The following EEA1 variants were observed in gnomAD, a reference collection of about 807,000 sequenced individuals.
EEA1 encodes early endosome antigen 1, 162kD.
EEA1 carries 111 observed loss-of-function variants against 209.2 expected under a neutral mutation model. The observed-to-expected ratio is 0.53, with a 90% CI of 0.45 to 0.62. EEA1 has a LOEUF of 0.62. Ranked by LOEUF, EEA1 falls within the 20% of genes least tolerant of loss-of-function variation. EEA1 has a pLI of 0.00. For missense variants in EEA1, 1,343 were observed against 1,530.8 expected, an observed-to-expected ratio of 0.88 and a Z score of 2.05; for synonymous variants, 536 against 540.6, an observed-to-expected ratio of 0.99 and a Z score of 0.12.
At chr12:92,864,383 T>C (rs1439147689) in intron 3 of EEA1, among the ~76,000 whole-genome samples, 1 of 152,164 alleles carries the variant, frequency 6.6e-6, no homozygotes, top group Non-Finnish European at 1.5e-5. Flanking sequence ...TATATTTTAG[T>C]TTACTTTTAC....
chr12:92,828,269 G>C (rs1013916164), intron 11 of EEA1, among the ~76,000 whole-genome samples: 1 of 151,990 alleles, frequency 6.6e-6, no homozygotes, highest in Admixed American at 6.6e-5. Context: ...TAAAATTATC[G>C]TTAAACATCA....
intron 21 of EEA1, among the ~76,000 whole-genome samples, chr12:92,788,477 T>C (rs1454181729): frequency 6.6e-6 from 1 of 152,052 alleles, no homozygotes. Context: ...CTCTTGGAAA[T>C]TCAAGAATAA....
At chr12:92,795,456 T>C (rs537348165) in intron 21 of EEA1, among the ~76,000 whole-genome samples, 26 of 152,324 alleles carry the variant, frequency 1.7e-4, no homozygotes, top group African/African-American at 5.3e-4. Flanking sequence ...CCTAGAATTG[T>C]GCCATGGCAT....
chr12:92,862,499 G>A (rs1278896307), intron 3 of EEA1, among the ~76,000 whole-genome samples: 9 of 152,078 alleles, frequency 5.9e-5, no homozygotes, highest in African/African-American at 2.2e-4. Flanking sequence ...GGGAGGCTGA[G>A]GCACGAGGAT....
intron 1 of EEA1, among the ~76,000 whole-genome samples, chr12:92,910,109 C>T (rs1167244724): frequency 6.6e-6 from 1 of 152,014 alleles, no homozygotes; most frequent in African/African-American, 2.4e-5. Context: ...CGCCACTGCA[C>T]TCCAGCCTCG....
Position 92,787,873 on chromosome 12 carries a change from A to G in EEA1, c.3144T>C (p.Asp1048=), listed in dbSNP as rs779366895. The change falls in exon 22 of 29, where the codon GAT becomes GAC. Residue 1048 remains aspartate, a synonymous_variant. Transcript: ENST00000322349. ...ACAGTATAGTTTACTATACCTTAAG[A>G]TCTTGCCTGGTGGCTAGAAGTTCAG... ...RESELLATRQ[D]LKSVEEKLSL... 1 of 1,605,146 alleles carries G rather than the reference A, an allele frequency of 6.2e-7. No homozygotes were observed. The highest frequency in any genetic ancestry group is 1.7e-5 in the Admixed American group (1 of 58,588).
At chr12:92,805,437 G>A (rs963334410) in intron 18 of EEA1, among the ~76,000 whole-genome samples, 7 of 152,150 alleles carry the variant, frequency 4.6e-5, no homozygotes, top group African/African-American at 1.7e-4. Flanking sequence ...CCTTTCTGAA[G>A]AGGACTTTTC....
chr12:92,899,775 T>C (rs1880074244), intron 1 of EEA1, among the ~76,000 whole-genome samples: 1 of 152,220 alleles, frequency 6.6e-6, no homozygotes, highest in Non-Finnish European at 1.5e-5. Context: ...GTTCTCATTT[T>C]CTTTGTCCTT....
At chr12:92,812,641 T>G (rs1405798649) in intron 16 of EEA1, among the ~76,000 whole-genome samples, 1 of 152,046 alleles carries the variant, frequency 6.6e-6, no homozygotes, top group Non-Finnish European at 1.5e-5. Context: ...GTCTGCCCCA[T>G]CCAATCACCA....
intron 22 of EEA1, among the ~76,000 whole-genome samples, chr12:92,784,866 T>C (rs529421632): frequency 2.8e-4 from 43 of 152,180 alleles, no homozygotes; most frequent in African/African-American, 1.0e-3. Context: ...CTCTAACCCA[T>C]CTACTCCCCT....
intron 2 of EEA1, chr12:92,884,045 C>T (rs1879277866): frequency 7.3e-7 from 1 of 1,372,618 alleles, no homozygotes. Context: ...AGAGCTGTCT[C>T]AAGAGAAGAT....
At chr12:92,916,107 C>T (rs111238753) in intron 1 of EEA1, among the ~76,000 whole-genome samples, 290 of 151,538 alleles carry the variant, frequency 1.9e-3, no homozygotes, top group African/African-American at 6.7e-3. Context: ...TTAAAAATAC[C>T]CACCATATGA....
intron 1 of EEA1, among the ~76,000 whole-genome samples, chr12:92,921,543 G>C (rs1451415132): frequency 2.5e-5 from 3 of 120,174 alleles, no homozygotes; most frequent in Non-Finnish European, 5.1e-5. Context: ...GGTGGGAATT[G>C]AACAATGAGA....
intron 2 of EEA1, among the ~76,000 whole-genome samples, chr12:92,867,942 C>G (rs761676997): frequency 6.6e-6 from 1 of 152,206 alleles, no homozygotes; most frequent in Non-Finnish European, 1.5e-5. Flanking sequence ...GAGAGAAAAG[C>G]ATTCTAAGCA....
intron 14 of EEA1, among the ~76,000 whole-genome samples, chr12:92,818,835 T>C (rs1875916700): frequency 6.6e-6 from 1 of 152,178 alleles, no homozygotes; most frequent in Non-Finnish European, 1.5e-5. Flanking sequence ...TCAAAATTAT[T>C]ATTGGCTATA....
At position 92,774,735 on chromosome 12, in the gene EEA1, G is replaced by T. The variant is rs1873582857; in HGVS notation, c.*1276C>A. On this transcript the variant is annotated 3_prime_UTR_variant, in exon 29 of 29. Transcript: ENST00000322349. ...TGTTTTTGGTGATACTCTATTTCTAGGTGTTAGTTACTTAAAGGGAATTTC... is the reference window on the plus strand; with the variant it reads ...TGTTTTTGGTGATACTCTATTTCTATGTGTTAGTTACTTAAAGGGAATTTC... The T allele has an allele frequency of 1.3e-5, 2 of 151,452 alleles. No individual in the cohort carries two copies. The highest frequency in any genetic ancestry group is 3.0e-5 in the Non-Finnish European group (2 of 67,574). The allele number at this position is 151,452 out of a possible 1,614,324, so 9.4% of individuals were successfully genotyped here.
chr12:92,859,447 T>G (rs1223841776), intron 3 of EEA1, among the ~76,000 whole-genome samples: 2 of 152,206 alleles, frequency 1.3e-5, no homozygotes, highest in Non-Finnish European at 2.9e-5. Flanking sequence ...AAGTTGGGCT[T>G]GCTATTCTGT....
At chr12:92,874,174 A>T (rs949259436) in intron 2 of EEA1, among the ~76,000 whole-genome samples, 1 of 151,846 alleles carries the variant, frequency 6.6e-6, no homozygotes, top group Non-Finnish European at 1.5e-5. Flanking sequence ...AAAAAAATTT[A>T]GCCAGGCATG....
chr12:92,924,981 A>G (rs1881154493), intron 1 of EEA1, among the ~76,000 whole-genome samples: 1 of 151,896 alleles, frequency 6.6e-6, no homozygotes, highest in Admixed American at 6.6e-5. Context: ...CCTTCCCAAC[A>G]TCTAAAACCA....
Sources: gnomAD v4.1 joint callset for allele counts (sites outside exome capture counted in the v4.1 genomes callset) on GRCh38, gnomAD v4.1.1 for gene constraint, MANE v1.5 for transcripts, NCBI Gene and HGNC (gene_info 2026-07-23, HGNC 2026-07-21) for gene names.